Variants in ARAF observed in about 807,000 individuals in gnomAD.
ARAF encodes A-Raf proto-oncogene, serine/threonine kinase.
Under a neutral mutation model 48.0 loss-of-function variants are expected in ARAF, and 18 were observed. That is an observed-to-expected ratio of 0.37 (90% CI 0.26 to 0.56). The LOEUF (loss-of-function observed/expected upper bound fraction) is 0.56, where lower values mean the gene tolerates loss of function less well. ARAF is among the 20% of genes least tolerant of loss of function. The pLI is 0.77. For synonymous variants in ARAF, 207 were observed against 220.1 expected, an observed-to-expected ratio of 0.94 and a Z score of 0.53; for missense variants, 389 against 543.1, an observed-to-expected ratio of 0.72 and a Z score of 2.82.
At chrX:47,561,314 G>A (rs2057706879) in intron 1 of ARAF, 63 bp downstream of exon 1, 1 of 112,342 alleles carries the variant, frequency 8.9e-6, no homozygotes, top group Non-Finnish European at 1.9e-5. Flanking sequence ...CAGGGAGCCC[G>A]GACCGAAAGC....
intron 6 of ARAF, 70 bp downstream of exon 6, chrX:47,565,420 A>G (rs1377509735): frequency 4.3e-6 from 5 of 1,159,189 alleles, no homozygotes; most frequent in South Asian, 2.0e-5. Flanking sequence ...ACCACGAGCC[A>G]TACTTTATTC....
At position 47,567,150 on chromosome X, in the gene ARAF, C is replaced by T; in HGVS notation, c.873+19C>T. 1 of 1,209,632 alleles carries T rather than the reference C, an allele frequency of 8.3e-7. No homozygotes were observed. Among genetic ancestry groups the T allele is most frequent in the Non-Finnish European group, 1.1e-6 (1 of 894,042 alleles). ...GAAAGTGGTATGCTCGAGGGGGATC[C>T]TTTTGGGGCCACCAAGGCTGAGTGA... On this transcript the variant is annotated intron_variant, in intron 9 of 15. Coordinates refer to ENST00000377045, the MANE Select transcript of ARAF (RefSeq NM_001654.5).
intron 10 of ARAF, among the ~76,000 whole-genome samples, 185 bp downstream of exon 10, chrX:47,567,617 C>G (rs2057739386): frequency 9.0e-6 from 1 of 111,576 alleles, no homozygotes; most frequent in African/African-American, 3.3e-5. Flanking sequence ...TTTAGAGGAC[C>G]TGTGATCATG....
intron 2 of ARAF, 22 bp from the exon 3 acceptor site, chrX:47,563,204 C>T (rs761939456): frequency 1.7e-6 from 2 of 1,197,293 alleles, no homozygotes; most frequent in Non-Finnish European, 2.3e-6. Flanking sequence ...TTGAGGACCC[C>T]TACATCTGCA....
At chrX:47,565,419 C>T in intron 6 of ARAF, 69 bp downstream of exon 6, 1 of 1,159,146 alleles carries the variant, frequency 8.6e-7, no homozygotes, top group East Asian at 3.1e-5. Context: ...GACCACGAGC[C>T]ATACTTTATT....
chrX:47,569,367 A>C, intron 12 of ARAF, 172 bp from the exon 13 acceptor site: 1 of 486,559 alleles, frequency 2.1e-6, no homozygotes, highest in Non-Finnish European at 3.6e-6. Context: ...TGTGGGGGGC[A>C]TTAGCAGGCG....
chrX:47,562,483 CAGA>C (rs1472154425), intron 1 of ARAF, among the ~76,000 whole-genome samples: 3 of 59,951 alleles, frequency 5.0e-5, no homozygotes, highest in Admixed American at 2.2e-4. Context: ...GAAACTCTGT[CAGA>C]AAAAAAAAAA....
Position 47,567,371 on chromosome X carries a change from A to G in ARAF, c.1015A>G (p.Lys339Glu), listed in dbSNP as rs1460482466. The G allele has an allele frequency of 8.3e-7, 1 of 1,210,139 alleles. No individual in the cohort carries two copies. Residue 339 changes from lysine (K) to glutamate (E), a missense_variant, in exon 10 of 16, where the codon AAG (lysine) becomes GAG (glutamate). Physicochemically the swap from Lys to Glu is moderately conservative, Grantham distance 56 (BLOSUM62 1). Around this residue, in one of 4 missense-constraint regions of ARAF, gnomAD observed 170 missense variants for 281.4 expected, o/e 0.60. Transcript: ENST00000377045. Reference sequence around the variant, plus strand: ...TGGCGATGTGGCCGTGAAGGTGCTCAAGGTGTCCCAGCCCACAGCTGAGCA... The same window carrying G: ...TGGCGATGTGGCCGTGAAGGTGCTCGAGGTGTCCCAGCCCACAGCTGAGCA... ...WHGDVAVKVLKVSQPTAEQAQ... is the reference protein window; with the variant it reads ...WHGDVAVKVLEVSQPTAEQAQ...
In ARAF at chrX:47,571,528, A is replaced by T. The variant is rs943714752; in HGVS notation, c.*71A>T. On this transcript the variant is annotated 3_prime_UTR_variant, in exon 16 of 16. Transcript: ENST00000377045. ...AGGAGCCTTGCCCACCAGCCAATCA[A>T]TGTTCGTCTCTGCCCTGATGCTGCC... 1.1e-4 allele frequency: 127 copies of T among 1,133,292 alleles called. No homozygotes were observed. Among genetic ancestry groups the T allele is most frequent in the Non-Finnish European group, 1.5e-4 (125 of 854,280 alleles). 93.4% of individuals were successfully genotyped at this position (1,133,292 alleles called of 1,213,427 possible).
chrX:47,566,826 A>G (rs893107094), intron 7 of ARAF, 46 bp downstream of exon 7: 8 of 1,209,778 alleles, frequency 6.6e-6, no homozygotes, highest in Non-Finnish European at 8.9e-6. Context: ...GGCAGAGGGT[A>G]GAGCCATCCC....
rs890808707 is a variant in ARAF at position 47,571,073 on chromosome X, G to T, written c.1686+61G>T. The T allele has an allele frequency of 4.4e-6, 5 of 1,138,364 alleles. No individual in the cohort carries two copies. In the African/African-American group the frequency reaches 7.2e-5, roughly 16 times the overall value. The allele number at this position is 1,138,364 out of a possible 1,213,427, so 93.8% of individuals were successfully genotyped here. A position where few individuals can be genotyped will look rare whatever the true frequency, so the allele number is the denominator to read the frequency against. On this transcript the variant is annotated intron_variant, in intron 15 of 15. Transcript: ENST00000377045. Reference sequence around the variant, plus strand: ...TGACTCTGGGATAGAGGAAGACTGAGATGGAGGCAGATGTGAATATGAAAG... The same window carrying T: ...TGACTCTGGGATAGAGGAAGACTGATATGGAGGCAGATGTGAATATGAAAG...
At position 47,571,307 on chromosome X, in the gene ARAF, C is replaced by A; in HGVS notation, c.1687-16C>A. Reference sequence around the variant, plus strand: ...CAGGGCTCTGGACACCCCTCCTCACCCCCACCTGCCCTCAGATCCTGGCCA... The same window carrying A: ...CAGGGCTCTGGACACCCCTCCTCACACCCACCTGCCCTCAGATCCTGGCCA... On this transcript the variant is annotated splice_polypyrimidine_tract_variant and intron_variant, in intron 15 of 15. Coordinates refer to ENST00000377045, the MANE Select transcript of ARAF (RefSeq NM_001654.5). 1.7e-6 allele frequency: 2 copies of A among 1,203,774 alleles called. No individual in the cohort carries two copies. The highest frequency in any genetic ancestry group is 2.2e-6 in the Non-Finnish European group (2 of 891,345).
At chrX:47,569,704 C>T (rs777175520) in intron 13 of ARAF, 47 bp downstream of exon 13, 13 of 1,151,070 alleles carry the variant, frequency 1.1e-5, no homozygotes, top group South Asian at 7.4e-5. Flanking sequence ...ACGTGGGCTC[C>T]GGGATTGGGG....
At chrX:47,566,360 C>T (rs1054683950) in intron 6 of ARAF, among the ~76,000 whole-genome samples, 2 of 111,877 alleles carry the variant, frequency 1.8e-5, no homozygotes, top group Non-Finnish European at 3.8e-5. Context: ...TTCTTTATTG[C>T]ACCTATCACC....
Position 47,566,898 on chromosome X carries a change from T to G in ARAF, c.714T>G (p.Ser238Arg), listed in dbSNP as rs746691883. 1.7e-6 allele frequency: 2 copies of G among 1,208,968 alleles called. No homozygotes were observed. Among genetic ancestry groups the G allele is most frequent in the African/African-American group, 1.8e-5 (1 of 56,768 alleles). The change falls in exon 8 of 16, where the codon AGT (serine) becomes AGG (arginine). Residue 238 changes from serine (S) to arginine (R), a missense_variant. Transcript: ENST00000377045. The stretch of plus-strand genomic sequence containing the variant: ...TCTTCTTCTAGCTCACTGGCCAGAG[T>G]TTCAGCACTGATGGTGAGTCCCCTG... ...DSNLIQLTGQSFSTDAAGSRG... is the reference protein window; with the variant it reads ...DSNLIQLTGQRFSTDAAGSRG...
intron 14 of ARAF, 23 bp downstream of exon 14, chrX:47,570,047 AG>A (rs756794740): frequency 3.1e-5 from 37 of 1,198,080 alleles, no homozygotes; most frequent in Non-Finnish European, 3.9e-5. Context: ...CCTTACCCAC[AG>A]TTCCCTGGGC....
intron 6 of ARAF, among the ~76,000 whole-genome samples, 168 bp from the exon 7 acceptor site, chrX:47,566,471 G>A (rs1475408930): frequency 9.0e-6 from 1 of 111,583 alleles, no homozygotes; most frequent in East Asian, 2.8e-4. Flanking sequence ...ATGGTATCTG[G>A]CACACAGCAG....
Position 47,569,974 on chromosome X carries a change from G to A in ARAF, c.1501G>A (p.Glu501Lys). ...CTATGCCTACGGGGTTGTGCTCTAC[G>A]AGCTTATGACTGGCTCACTGCCTTA... ...DVYAYGVVLY[E>K]LMTGSLPYSH... The change falls in exon 14 of 16, where the codon GAG (glutamate) becomes AAG (lysine). Residue 501 changes from glutamate to lysine, a missense_variant. Glu to Lys is a moderately conservative substitution (Grantham distance 56, BLOSUM62 1). Coordinates refer to ENST00000377045, the MANE Select transcript of ARAF (RefSeq NM_001654.5). The A allele has an allele frequency of 8.3e-7, 1 of 1,205,394 alleles. No individual in the cohort carries two copies. Among genetic ancestry groups the A allele is most frequent in the Non-Finnish European group, 1.1e-6 (1 of 892,743 alleles).
At chrX:47,571,278 C>A (rs1308197983) in intron 15 of ARAF, 45 bp from the exon 16 acceptor site, 2 of 1,177,074 alleles carry the variant, frequency 1.7e-6, no homozygotes, top group Admixed American at 4.6e-5. Flanking sequence ...TGTTGGGATG[C>A]CCACAGGGCT....
Sources: gnomAD v4.1 joint callset for allele counts (sites outside exome capture counted in the v4.1 genomes callset) on GRCh38, gnomAD v4.1.1 for gene constraint, gnomAD v4.1.1 regional missense constraint, MANE v1.5 for transcripts, NCBI Gene and HGNC (gene_info 2026-07-23, HGNC 2026-07-21) for gene names.